Variants in APBA1 observed in about 807,000 individuals in gnomAD.
APBA1 encodes the protein amyloid beta precursor protein binding family A member 1, also known as amyloid-beta A4 precursor protein-binding family A member 1.
APBA1 carries 55 observed loss-of-function variants against 86.6 expected under a neutral mutation model. The observed-to-expected ratio is 0.64, with a 90% confidence interval of 0.51 to 0.80. APBA1 has a LOEUF of 0.80. Among genes scored for constraint, APBA1 ranks in the 30% least tolerant of loss-of-function variants. The probability of loss-of-function intolerance (pLI) is 0.00; values close to 1 mark genes in which losing one functional copy is unlikely to be tolerated. For missense variants in APBA1, 1,090 were observed against 1,183.0 expected (o/e 0.92, Z 1.15); for synonymous variants, 511 against 493.9 (o/e 1.03, Z -0.46).
At chr9:69,627,618 C>T (rs1189544468) in intron 1 of APBA1, among the ~76,000 whole-genome samples, 3 of 152,054 alleles carry the variant, frequency 2.0e-5, no homozygotes, top group Admixed American at 6.6e-5. Context: ...AGTGTTAATG[C>T]CATGAAACAA....
At chr9:69,539,391 C>T (rs1385970060) in intron 1 of APBA1, among the ~76,000 whole-genome samples, 1 of 152,206 alleles carries the variant, frequency 6.6e-6, no homozygotes, top group Non-Finnish European at 1.5e-5. Flanking sequence ...CAGACAAAAC[C>T]TTGGCATTAT....
intron 2 of APBA1, among the ~76,000 whole-genome samples, chr9:69,486,691 C>T (rs1353074500): frequency 6.6e-6 from 1 of 151,876 alleles, no homozygotes; most frequent in Non-Finnish European, 1.5e-5. Flanking sequence ...GAGGAAGATA[C>T]TGGAAACACA....
rs559584009 is a variant in APBA1, at chr9:69,500,683, GCACTTACCAATTT to G, written c.1200+15315_1200+15327del. Among the ~76,000 whole-genome samples the G allele has an allele frequency of 9.2e-4, 140 of 152,164 alleles. 1 individual carries two copies. Among genetic ancestry groups the G allele is most frequent in the African/African-American group, 3.2e-3 (134 of 41,512 alleles). On this transcript the variant is annotated intron_variant, in intron 2 of 12. Transcript: ENST00000265381. ...AAACTCTGGTCCACAGCTTAAGCTA[GCACTTACCAATTT>G]TGACTGAATCTTATTAACACCCGTG...
chr9:69,589,108 C>T (rs547764927), intron 1 of APBA1, among the ~76,000 whole-genome samples: 2 of 152,270 alleles, frequency 1.3e-5, no homozygotes, highest in East Asian at 3.9e-4. Context: ...GCACACACCA[C>T]CATGCCCAGC....
intron 9 of APBA1, among the ~76,000 whole-genome samples, chr9:69,450,182 T>C (rs1031168092): frequency 6.6e-6 from 1 of 151,738 alleles, no homozygotes; most frequent in Non-Finnish European, 1.5e-5. Flanking sequence ...CATGCGCAGG[T>C]TCCCCCTCCC....
At chr9:69,665,280 A>G (rs1823823275) in intron 1 of APBA1, among the ~76,000 whole-genome samples, 1 of 152,004 alleles carries the variant, frequency 6.6e-6, no homozygotes, top group Admixed American at 6.6e-5. Flanking sequence ...TCACCTCTTA[A>G]TGGGCTTTCT....
chr9:69,663,709 G>A (rs1265000219), intron 1 of APBA1, among the ~76,000 whole-genome samples: 4 of 152,248 alleles, frequency 2.6e-5, no homozygotes, highest in South Asian at 2.1e-4. Flanking sequence ...CATACAAATT[G>A]TATGCTAATT....
intron 1 of APBA1, among the ~76,000 whole-genome samples, chr9:69,648,081 T>C (rs1213605591): frequency 1.3e-5 from 2 of 152,186 alleles, no homozygotes; most frequent in African/African-American, 2.4e-5. Flanking sequence ...GCTTATAGCA[T>C]TGGACAGATG....
chr9:69,566,714 C>T (rs758264232), intron 1 of APBA1, among the ~76,000 whole-genome samples: 5 of 152,232 alleles, frequency 3.3e-5, no homozygotes, highest in South Asian at 4.1e-4. Context: ...TTTGCACCTG[C>T]GGCCCTCTCC....
intron 1 of APBA1, among the ~76,000 whole-genome samples, chr9:69,545,209 T>C (rs183973919): frequency 6.6e-6 from 1 of 152,290 alleles, no homozygotes; most frequent in African/African-American, 2.4e-5. Context: ...AAAATGGGCT[T>C]GATAGATGAT....
chr9:69,579,277 C>A lies in APBA1; in HGVS notation c.-69-61998G>T, dbSNP rs188879971. ...GAATGCCCCTGGCCTGCACCGGGAG[C>A]AGCACTTTTCTTTTCCCCCTAAGAA... On this transcript the variant is annotated intron_variant, in intron 1 of 12. Coordinates refer to ENST00000265381, the MANE Select transcript of APBA1 (RefSeq NM_001163.4). 3.0e-3 allele frequency among the ~76,000 whole-genome samples: 463 copies of A among 152,248 alleles called. 10 individuals are homozygous for A. The highest frequency in any genetic ancestry group is 0.028 in the Admixed American group (428 of 15,290).
chr9:69,670,862 T>C (rs1381530580), intron 1 of APBA1, among the ~76,000 whole-genome samples: 1 of 152,130 alleles, frequency 6.6e-6, no homozygotes, highest in Non-Finnish European at 1.5e-5. Context: ...TTCCAAATGA[T>C]ACACGGCACC....
At chr9:69,436,640 T>C (rs1834727554) in intron 11 of APBA1, among the ~76,000 whole-genome samples, 1 of 150,060 alleles carries the variant, frequency 6.7e-6, no homozygotes, top group Non-Finnish European at 1.5e-5. Context: ...CCTGAGACTT[T>C]GCTGAAGTTG....
intron 2 of APBA1, among the ~76,000 whole-genome samples, chr9:69,504,396 C>T (rs1209662095): frequency 2.0e-5 from 3 of 152,034 alleles, no homozygotes; most frequent in South Asian, 4.1e-4. Context: ...TTTCTCCAAG[C>T]GACTTTCCAT....
At chr9:69,458,800 TTTC>T in intron 5 of APBA1, among the ~76,000 whole-genome samples, 1 of 149,508 alleles carries the variant, frequency 6.7e-6, no homozygotes, top group South Asian at 2.1e-4. Context: ...CTAGTTATCT[TTTC>T]TTTTCTTTTT....
At chr9:69,594,420 C>T (rs571196628) in intron 1 of APBA1, among the ~76,000 whole-genome samples, 1 of 152,222 alleles carries the variant, frequency 6.6e-6, no homozygotes, top group East Asian at 1.9e-4. Flanking sequence ...CAAACCAGCT[C>T]TTGGACAAAC....
chr9:69,449,491 A>C lies in APBA1; in HGVS notation c.2181+93T>G, dbSNP rs1421417995. ...GTCTTCCTTGGTGCCTGACACTTTG[A>C]ATATGTTCATATACATTAATGACTG... On this transcript the variant is annotated intron_variant, in intron 10 of 12. Coordinates refer to ENST00000265381, the MANE Select transcript of APBA1 (RefSeq NM_001163.4). 4 of 1,181,140 alleles carry C rather than the reference A, an allele frequency of 3.4e-6. No individual in the cohort carries two copies. In the East Asian group the frequency reaches 7.1e-5, roughly 21 times the overall value. 73.2% of individuals were successfully genotyped at this position (1,181,140 alleles called of 1,614,324 possible).
intron 1 of APBA1, among the ~76,000 whole-genome samples, chr9:69,603,640 G>C (rs1242218630): frequency 6.6e-6 from 1 of 152,250 alleles, no homozygotes; most frequent in Non-Finnish European, 1.5e-5. Context: ...TGAAGAAAGA[G>C]AATTAGTGAT....
chr9:69,548,535 A>G (rs73451486), intron 1 of APBA1, among the ~76,000 whole-genome samples: 4,206 of 152,354 alleles, frequency 0.028, 70 homozygotes, highest in African/African-American at 0.051. Context: ...AAGCAAGCTA[A>G]TAAATGAAAT....
Sources: allele counts gnomAD v4.1 joint callset (sites outside exome capture counted in the v4.1 genomes callset), GRCh38; gene constraint gnomAD v4.1.1; transcripts MANE v1.5; gene names NCBI Gene and HGNC (gene_info 2026-07-23, HGNC 2026-07-21).